Variants in EFL1 observed in about 807,000 individuals in gnomAD.
EFL1 encodes elongation factor like GTPase 1, also known as elongation factor-like GTPase 1.
A neutral mutation model predicts 126.7 loss-of-function variants in EFL1; 76 were observed. That is an observed-to-expected ratio of 0.60 (90% CI 0.50 to 0.73). The LOEUF (loss-of-function observed/expected upper bound fraction) is 0.73. EFL1 is among the 30% of genes least tolerant of loss of function. EFL1 has a pLI of 0.00. For synonymous variants in EFL1, 410 were observed against 448.4 expected (o/e 0.91, Z 1.08); for missense variants, 1,128 against 1,343.2 (o/e 0.84, Z 2.50).
At chr15:82,254,537 T>C (rs1297252649) in intron 3 of EFL1, among the ~76,000 whole-genome samples, 1 of 152,238 alleles carries the variant, frequency 6.6e-6, no homozygotes, top group African/African-American at 2.4e-5. Context: ...TCTTGAATTT[T>C]ATCTTGATCA....
intron 4 of EFL1, among the ~76,000 whole-genome samples, 155 bp from the exon 5 acceptor site, chr15:82,241,558 T>C (rs2074931604): frequency 6.6e-6 from 1 of 152,242 alleles, no homozygotes; most frequent in Non-Finnish European, 1.5e-5. Context: ...ATTCCAACTT[T>C]TCCCACTGAT....
intron 7 of EFL1, among the ~76,000 whole-genome samples, chr15:82,235,026 C>T (rs2074858548): frequency 6.6e-6 from 1 of 152,030 alleles, no homozygotes; most frequent in Non-Finnish European, 1.5e-5. Context: ...TGTGCAAATT[C>T]GGGAGAGGCA....
chr15:82,195,996 A>C (rs1350226613), intron 15 of EFL1, among the ~76,000 whole-genome samples: 1 of 152,190 alleles, frequency 6.6e-6, no homozygotes, highest in East Asian at 1.9e-4. Flanking sequence ...AAGGCTTCCA[A>C]GAGGCGGTGA....
intron 15 of EFL1, among the ~76,000 whole-genome samples, chr15:82,209,767 A>T (rs2074565020): frequency 6.6e-6 from 1 of 152,176 alleles, no homozygotes; most frequent in African/African-American, 2.4e-5. Context: ...AGACCACAAA[A>T]TCTATTCTAC....
chr15:82,150,929 T>C (rs1327801834), intron 18 of EFL1, among the ~76,000 whole-genome samples: 1 of 152,204 alleles, frequency 6.6e-6, no homozygotes, highest in Non-Finnish European at 1.5e-5. Flanking sequence ...GACCTCTCAT[T>C]ACGGAAAGGA....
At chr15:82,191,033 A>G (rs1456464474) in intron 15 of EFL1, among the ~76,000 whole-genome samples, 2 of 151,708 alleles carry the variant, frequency 1.3e-5, no homozygotes, top group African/African-American at 4.8e-5. Flanking sequence ...ATAAAAAAAA[A>G]AGGGGGGGGA....
chr15:82,142,673 T>C (rs2073802104), intron 18 of EFL1, among the ~76,000 whole-genome samples: 1 of 152,230 alleles, frequency 6.6e-6, no homozygotes, highest in Non-Finnish European at 1.5e-5. Flanking sequence ...TCAGCCTGTA[T>C]TCAAGGCAGT....
chr15:82,151,857 C>A lies in EFL1; in HGVS notation c.2597G>T (p.Gly866Val), dbSNP rs201666202. 1.9e-6 allele frequency: 3 copies of A among 1,614,034 alleles called. No individual in the cohort carries two copies. Among genetic ancestry groups the A allele is most frequent in the South Asian group, 1.1e-5 (1 of 91,078 alleles). ...TTGGAAGCCACTCACAATGCTATTG[C>A]CCAAATCTCGGTATCTACTGGCTTC... is the stretch of plus-strand genomic sequence containing the variant. ...SKEASRYRDL[G>V]NSIVSGFQLA... Residue 866 changes from glycine to valine, a missense_variant, in exon 18 of 20, where the codon GGC (glycine) becomes GTC (valine). Physicochemically the swap from Gly to Val is moderately radical, Grantham distance 109 (BLOSUM62 -3). Around this residue, in one of 6 missense-constraint regions of EFL1, gnomAD observed 561 missense variants for 641.7 expected, o/e 0.87. Coordinates refer to ENST00000268206, the MANE Select transcript of EFL1 (RefSeq NM_024580.6).
chr15:82,207,851 G>A lies in EFL1; in HGVS notation c.1750+6866C>T, dbSNP rs182415629. ...GATTCTCCTGCCTCAGCCTCCTGAG[G>A]AGCTGGGATTACAGGCACCCGCCAC... On this transcript the variant is annotated intron_variant, in intron 15 of 19. Coordinates refer to ENST00000268206, the MANE Select transcript of EFL1 (RefSeq NM_024580.6). Among the ~76,000 whole-genome samples the A allele has an allele frequency of 1.9e-3, 288 of 151,934 alleles. 3 individuals are homozygous for A. The highest frequency in any genetic ancestry group is 9.9e-4 in the Non-Finnish European group (67 of 67,930).
rs187991095 is a variant in EFL1 at position 82,138,806 on chromosome 15, C to T, written c.3026G>A (p.Arg1009Gln). 3.3e-5 allele frequency: 54 copies of T among 1,613,730 alleles called. 1 individual carries two copies. The highest frequency in any genetic ancestry group is 3.3e-4 in the East Asian group (15 of 44,860). ...TTCTTTCATTTCTTCTTGAAGTACC[C>T]GACCTTCTCTCTTTGACAAGACAGC... ...VYAVLSKREG[R>Q]VLQEEMKEGT... The change falls in exon 19 of 20, where the codon CGG becomes CAG. Residue 1009 changes from arginine to glutamine, a missense_variant. Coordinates refer to ENST00000268206, the MANE Select transcript of EFL1 (RefSeq NM_024580.6).
intron 19 of EFL1, among the ~76,000 whole-genome samples, chr15:82,134,454 G>A (rs2073698536): frequency 6.6e-6 from 1 of 152,120 alleles, no homozygotes; most frequent in Admixed American, 6.5e-5. Context: ...AGCCTGAAGG[G>A]GATGCCATTT....
At chr15:82,234,341 A>C (rs548372251) in intron 7 of EFL1, among the ~76,000 whole-genome samples, 3 of 152,272 alleles carry the variant, frequency 2.0e-5, no homozygotes, top group African/African-American at 7.2e-5. Flanking sequence ...TCTTAGCCCA[A>C]TATTCTTGTT....
intron 15 of EFL1, among the ~76,000 whole-genome samples, chr15:82,165,687 C>T (rs1000831578): frequency 5.3e-5 from 8 of 152,208 alleles, no homozygotes; most frequent in African/African-American, 1.4e-4. Context: ...TGTGGAACCT[C>T]CAAAGGTTCA....
intron 7 of EFL1, among the ~76,000 whole-genome samples, chr15:82,237,628 A>G (rs1385222463): frequency 4.6e-5 from 7 of 152,168 alleles, no homozygotes. Flanking sequence ...ACATACAACT[A>G]TCATATGACC....
intron 11 of EFL1, 113 bp from the exon 12 acceptor site, chr15:82,225,377 A>G: frequency 1.4e-6 from 1 of 720,532 alleles, no homozygotes; most frequent in Non-Finnish European, 2.1e-6. Context: ...TCATCAAAAT[A>G]CACCAGAAGT....
intron 15 of EFL1, among the ~76,000 whole-genome samples, chr15:82,185,035 T>C (rs958243557): frequency 6.6e-6 from 1 of 152,184 alleles, no homozygotes; most frequent in African/African-American, 2.4e-5. Context: ...GAAATCTATT[T>C]TTATATCCCC....
chr15:82,198,501 A>G (rs1405861311), intron 15 of EFL1, among the ~76,000 whole-genome samples: 1 of 152,200 alleles, frequency 6.6e-6, no homozygotes, highest in Non-Finnish European at 1.5e-5. Context: ...GGAAGGATGG[A>G]ATTCCTCTAT....
At chr15:82,136,643 A>C (rs2073725320) in intron 19 of EFL1, among the ~76,000 whole-genome samples, 1 of 152,180 alleles carries the variant, frequency 6.6e-6, no homozygotes, top group Non-Finnish European at 1.5e-5. Context: ...TCTATTTTTC[A>C]GGCACTGCCT....
intron 6 of EFL1, 62 bp downstream of exon 6, chr15:82,240,356 C>A: frequency 6.7e-7 from 1 of 1,495,878 alleles, no homozygotes; most frequent in Non-Finnish European, 9.0e-7. Context: ...ATACCCAGCT[C>A]AGTAACTTCC....
Sources: allele counts gnomAD v4.1 joint callset (sites outside exome capture counted in the v4.1 genomes callset), GRCh38; gene constraint gnomAD v4.1.1; regional missense constraint gnomAD v4.1.1; transcripts MANE v1.5; gene names NCBI Gene and HGNC (gene_info 2026-07-23, HGNC 2026-07-21).